The following FIP1L1 variants were observed in gnomAD, a reference collection of about 807,000 sequenced individuals.
FIP1L1 encodes factor interacting with PAPOLA and CPSF1.
In FIP1L1, 21 loss-of-function variants were observed where a neutral mutation model predicts 84.6. That is an observed-to-expected ratio of 0.25 (90% CI 0.18 to 0.36). The LOEUF is 0.36. FIP1L1 is among the 10% of genes least tolerant of loss of function. The pLI is 1.00. For synonymous variants in FIP1L1, 263 were observed against 242.3 expected (o/e 1.09, Z -0.80); for missense variants, 526 against 751.1 (o/e 0.70, Z 3.50).
At chr4:53,401,413 C>T (rs1005408988) in intron 10 of FIP1L1, among the ~76,000 whole-genome samples, 1 of 152,096 alleles carries the variant, frequency 6.6e-6, no homozygotes, top group African/African-American at 2.4e-5. Flanking sequence ...TGTAAAGTTT[C>T]GATTTAGTCG....
intron 10 of FIP1L1, among the ~76,000 whole-genome samples, chr4:53,406,590 G>T (rs1434654908): frequency 3.3e-5 from 5 of 152,160 alleles, no homozygotes; most frequent in Non-Finnish European, 7.4e-5. Flanking sequence ...AATGGTACCA[G>T]TTCCTCCTTG....
chr4:53,407,458 G>C (rs12642175), intron 10 of FIP1L1, among the ~76,000 whole-genome samples: 1 of 152,066 alleles, frequency 6.6e-6, no homozygotes, highest in Non-Finnish European at 1.5e-5. Context: ...AATAGGTGTG[G>C]TGTGGTGCTG....
intron 9 of FIP1L1, among the ~76,000 whole-genome samples, chr4:53,397,145 G>C (rs1747816358): frequency 6.6e-6 from 1 of 152,216 alleles, no homozygotes; most frequent in South Asian, 2.1e-4. Flanking sequence ...TTGAATTCAT[G>C]TTGTTTTCCC....
chr4:53,380,240 C>CAACT (rs1737103468), intron 3 of FIP1L1, among the ~76,000 whole-genome samples: 1 of 152,174 alleles, frequency 6.6e-6, no homozygotes, highest in Non-Finnish European at 1.5e-5. Context: ...GCAGCTGCAT[C>CAACT]AACTGATGAA....
intron 3 of FIP1L1, among the ~76,000 whole-genome samples, chr4:53,380,267 G>T (rs568118596): frequency 1.2e-4 from 18 of 152,324 alleles, no homozygotes; most frequent in African/African-American, 3.8e-4. Flanking sequence ...GATTAAATGT[G>T]TTATATCCAT....
chr4:53,389,902 T>C, intron 6 of FIP1L1, 29 bp downstream of exon 6: 8 of 1,541,052 alleles, frequency 5.2e-6, no homozygotes, highest in Non-Finnish European at 7.1e-6. Flanking sequence ...GTTGCATCAA[T>C]AGGGAAATAA....
chr4:53,458,840 CTTACTACATTG>C, intron 17 of FIP1L1, 50 bp downstream of exon 17: 1 of 1,571,688 alleles, frequency 6.4e-7, no homozygotes, highest in Non-Finnish European at 8.6e-7. Context: ...GAGATTTTGA[CTTACTACATTG>C]TCGCATTGGA....
intron 9 of FIP1L1, among the ~76,000 whole-genome samples, chr4:53,395,412 C>T (rs1746690106): frequency 6.6e-6 from 1 of 152,158 alleles, no homozygotes. Flanking sequence ...TTCCCCAATC[C>T]TTCCCGGTTC....
At chr4:53,390,744 G>T in intron 7 of FIP1L1, 116 bp downstream of exon 7, 1 of 687,092 alleles carries the variant, frequency 1.5e-6, no homozygotes. Flanking sequence ...ATTGTCTTAA[G>T]CAAATGATGA....
rs143195200 is a variant in FIP1L1, at chr4:53,415,023, C to T, written c.923+301C>T. 8.0e-4 allele frequency among the ~76,000 whole-genome samples: 121 copies of T among 151,638 alleles called. No individual in the cohort carries two copies. The East Asian group carries it at 0.017, about 22-fold the overall frequency. The stretch of plus-strand genomic sequence containing the variant: ...AGGTTAATTCTTTCTCATACCACAT[C>T]GCATTTAAAAAAAATTCCCAGGTGC... On this transcript the variant is annotated intron_variant, in intron 11 of 17. Coordinates refer to ENST00000337488, the MANE Select transcript of FIP1L1 (RefSeq NM_030917.4).
Position 53,390,506 on chromosome 4 carries a change from A to G in FIP1L1, c.398-15A>G. On this transcript the variant is annotated splice_polypyrimidine_tract_variant and intron_variant, in intron 6 of 17. Coordinates refer to ENST00000337488, the MANE Select transcript of FIP1L1 (RefSeq NM_030917.4). ...TGCAAGTATAGCTCCTTCATTTTGT[A>G]ATTTTATAAAACAGGGACAAAAGTC... 6.4e-7 allele frequency: 1 copy of G among 1,557,978 alleles called. No homozygotes were observed. Among genetic ancestry groups the G allele is most frequent in the South Asian group, 1.1e-5 (1 of 88,010 alleles).
intron 10 of FIP1L1, 95 bp downstream of exon 10, chr4:53,399,934 C>G: frequency 1.2e-6 from 1 of 803,172 alleles, no homozygotes; most frequent in East Asian, 2.6e-5. Flanking sequence ...GAATGTTTTA[C>G]CAAAAAACTG....
chr4:53,414,571 GACA>G (rs1758624172), intron 10 of FIP1L1, 41 bp from the exon 11 acceptor site: 1 of 1,374,954 alleles, frequency 7.3e-7, no homozygotes, highest in African/African-American at 1.5e-5. Flanking sequence ...GGGGGTCAGA[GACA>G]ACAATATGTA....
intron 10 of FIP1L1, among the ~76,000 whole-genome samples, chr4:53,407,111 AT>A (rs1208995090): frequency 2.0e-5 from 3 of 151,916 alleles, no homozygotes; most frequent in African/African-American, 7.3e-5. Flanking sequence ...TAGGGTGTCA[AT>A]TTTAGATCTT....
rs200037358 is a variant in FIP1L1, at chr4:53,380,177, G to A, written c.170+913G>A. Among the ~76,000 whole-genome samples, 129 of 151,524 alleles carry A rather than the reference G, an allele frequency of 8.5e-4. No individual in the cohort carries two copies. The East Asian group carries it at 0.022, about 26-fold the overall frequency. ...AACATATTCAGACAAAAACTTGTAC[G>A]TGAATATTCATAGCAGCATTATTCT... On this transcript the variant is annotated intron_variant, in intron 3 of 17. Transcript: ENST00000337488.
chr4:53,391,261 GT>G, intron 8 of FIP1L1, 122 bp downstream of exon 8: 1 of 1,259,110 alleles, frequency 7.9e-7, no homozygotes, highest in Non-Finnish European at 1.1e-6. Context: ...ATTCCATTTT[GT>G]TTACCATGTT....
chr4:53,453,241 G>A, intron 16 of FIP1L1, 108 bp downstream of exon 16: 1 of 1,227,626 alleles, frequency 8.1e-7, no homozygotes, highest in Non-Finnish European at 1.2e-6. Context: ...AGATGCTCAG[G>A]GAGTACATAG....
At position 53,460,756 on chromosome 4, in the gene FIP1L1, T is replaced by C. The variant is rs1721872195; in HGVS notation, c.*1307T>C. The stretch of plus-strand genomic sequence containing the variant: ...TTTTTTGGAATCATATTTTCTGAGG[T>C]GTAACTGGCTTTCATTAGATGATCA... On this transcript the variant is annotated 3_prime_UTR_variant, in exon 18 of 18. Transcript: ENST00000337488. 1.3e-6 allele frequency: 1 copy of C among 742,642 alleles called. No individual in the cohort carries two copies. The highest frequency in any genetic ancestry group is 2.0e-5 in the South Asian group (1 of 49,620). 46.0% of individuals were successfully genotyped at this position (742,642 alleles called of 1,614,324 possible).
At chr4:53,403,981 G>A (rs1225085875) in intron 10 of FIP1L1, among the ~76,000 whole-genome samples, 1 of 150,372 alleles carries the variant, frequency 6.7e-6, no homozygotes, top group Non-Finnish European at 1.5e-5. Flanking sequence ...CCACTGAGCT[G>A]GTCATCTCCA....
Sources: gnomAD v4.1 joint callset for allele counts (sites outside exome capture counted in the v4.1 genomes callset) on GRCh38, gnomAD v4.1.1 for gene constraint, MANE v1.5 for transcripts, NCBI Gene and HGNC (gene_info 2026-07-23, HGNC 2026-07-21) for gene names.